Variants in MAP3K2 observed in about 807,000 individuals in gnomAD.
MAP3K2 encodes the protein MAP/ERK kinase kinase 2.
MAP3K2 carries 24 observed loss-of-function variants against 80.3 expected under a neutral mutation model. The observed-to-expected ratio is 0.30, with a 90% CI of 0.22 to 0.42. The LOEUF is 0.42. Among genes scored for constraint, MAP3K2 ranks in the 10% least tolerant of loss-of-function variants. The pLI is 1.00. For missense variants in MAP3K2, 608 were observed against 750.1 expected, an observed-to-expected ratio of 0.81 and a Z score of 2.21; for synonymous variants, 244 against 253.7, an observed-to-expected ratio of 0.96 and a Z score of 0.36.
chr2:127,328,172 G>A (rs565520472), intron 7 of MAP3K2, among the ~76,000 whole-genome samples: 1 of 152,196 alleles, frequency 6.6e-6, no homozygotes, highest in Non-Finnish European at 1.5e-5. Context: ...TTATTCAGGA[G>A]GCTGAGGCAG....
At chr2:127,324,297 G>C (rs925325950) in intron 9 of MAP3K2, 56 bp from the exon 10 acceptor site, 6 of 1,044,314 alleles carry the variant, frequency 5.7e-6, no homozygotes, top group Non-Finnish European at 8.4e-6. Flanking sequence ...ACATTAAAAA[G>C]AAAATCTTTG....
Position 127,387,543 on chromosome 2 carries a change from G to C in MAP3K2, c.-157C>G. 1 of 984,976 alleles carries C rather than the reference G, an allele frequency of 1.0e-6. No homozygotes were observed. Among genetic ancestry groups the C allele is most frequent in the Non-Finnish European group, 1.2e-6 (1 of 829,746 alleles). 61.0% of individuals were successfully genotyped at this position (984,976 alleles called of 1,614,324 possible). On this transcript the variant is annotated 5_prime_UTR_variant, in exon 1 of 17. Transcript: ENST00000682094. The stretch of plus-strand genomic sequence containing the variant: ...CTCCGCCCCAGCGCGGCCTGTCACC[G>C]CGGCCCCAGGTCGGGGGCTGCCGCA...
intron 1 of MAP3K2, among the ~76,000 whole-genome samples, chr2:127,386,556 G>A (rs1687352470): frequency 1.3e-5 from 2 of 152,142 alleles, no homozygotes; most frequent in Admixed American, 1.3e-4. Context: ...GTAAATTTGT[G>A]ACTTTTCAAG....
chr2:127,367,657 G>A (rs1224764437), intron 1 of MAP3K2, among the ~76,000 whole-genome samples: 1 of 152,118 alleles, frequency 6.6e-6, no homozygotes. Flanking sequence ...GCCAGGCGTG[G>A]TGGCACATGC....
chr2:127,317,500 T>C (rs955929935), intron 14 of MAP3K2, 129 bp downstream of exon 14: 1 of 693,628 alleles, frequency 1.4e-6, no homozygotes, highest in Non-Finnish European at 2.2e-6. Flanking sequence ...TACTCAGCTC[T>C]AATTTAAAAC....
At chr2:127,384,613 G>A (rs1283141671) in intron 1 of MAP3K2, among the ~76,000 whole-genome samples, 1 of 152,102 alleles carries the variant, frequency 6.6e-6, no homozygotes, top group Non-Finnish European at 1.5e-5. Context: ...TAGAAGCAGA[G>A]CTAAAACTTG....
At chr2:127,348,907 G>A (rs1416000486) in intron 1 of MAP3K2, among the ~76,000 whole-genome samples, 2 of 151,990 alleles carry the variant, frequency 1.3e-5, no homozygotes, top group Admixed American at 1.3e-4. Context: ...CAGATATGCT[G>A]GTTTTTCAAA....
At chr2:127,347,370 A>G (rs1478575911) in intron 1 of MAP3K2, among the ~76,000 whole-genome samples, 3 of 152,206 alleles carry the variant, frequency 2.0e-5, no homozygotes, top group Admixed American at 6.5e-5. Flanking sequence ...ATTAGAATCA[A>G]TAAACACGTT....
rs1337481614 is a variant in MAP3K2, at chr2:127,314,827, C to A, written c.1383G>T (p.Arg461Ser). ...CCTCCAGAATCTGACGGGTGTATTT[C>A]CTAGTCACATTCTCAGTAAGAGCGC... ...AYGALTENVT[R>S]KYTRQILEGV... The change falls in exon 15 of 17, where the codon AGG (arginine) becomes AGT (serine). Residue 461 changes from arginine to serine, a missense_variant. Transcript: ENST00000682094. 1 of 1,609,280 alleles carries A rather than the reference C, an allele frequency of 6.2e-7. No homozygotes were observed. Among genetic ancestry groups the A allele is most frequent in the East Asian group, 2.2e-5 (1 of 44,848 alleles).
intron 7 of MAP3K2, among the ~76,000 whole-genome samples, chr2:127,327,276 C>T (rs1385985728): frequency 6.6e-6 from 1 of 151,884 alleles, no homozygotes; most frequent in Non-Finnish European, 1.5e-5. Flanking sequence ...CAATTTAAAG[C>T]AAAAAACATT....
At chr2:127,382,993 G>A (rs1281862077) in intron 1 of MAP3K2, among the ~76,000 whole-genome samples, 2 of 152,240 alleles carry the variant, frequency 1.3e-5, no homozygotes, top group African/African-American at 2.4e-5. Context: ...GCATGGTGCT[G>A]GCACCTGCTT....
At position 127,340,421 on chromosome 2, in the gene MAP3K2, G is replaced by A. The variant is rs371415024; in HGVS notation, c.5-1371C>T. On this transcript the variant is annotated intron_variant, in intron 2 of 16. Coordinates refer to ENST00000682094, the MANE Select transcript of MAP3K2 (RefSeq NM_001371910.2). The stretch of plus-strand genomic sequence containing the variant: ...AGCCTGTAATCCCAACACTTTGGGA[G>A]GCCGAGGGGGGCAGATCATAAGGTC... Among the ~76,000 whole-genome samples the A allele has an allele frequency of 2.0e-5, 3 of 152,270 alleles. No individual in the cohort carries two copies. The South Asian group carries it at 6.2e-4, about 32-fold the overall frequency.
At position 127,307,593 on chromosome 2, in the gene MAP3K2, C is replaced by T; in HGVS notation, c.1846G>A (p.Val616Met). ...SADELLRHMF[V>M]HYH ...GTTACTGGCTGCTAGTGATAATGCA[C>T]AAACATGTGCCTTAAGAGTTCATCA... Residue 616 changes from valine to methionine, a missense_variant, in exon 17 of 17, where the codon GTG becomes ATG. Val to Met is a conservative substitution (Grantham distance 21, BLOSUM62 1). This residue lies in a region of MAP3K2 where 42 missense variants were observed against 53.7 expected (regional missense o/e 0.78). Transcript: ENST00000682094. This position sits in a 1 kb window ranked among gnomAD's most constrained non-coding sequence, Gnocchi z 5.4. 6.4e-7 allele frequency: 1 copy of T among 1,567,928 alleles called. No individual in the cohort carries two copies. Among genetic ancestry groups the T allele is most frequent in the Non-Finnish European group, 8.7e-7 (1 of 1,156,046 alleles).
rs1685607843 is a variant in MAP3K2 at position 127,302,264 on chromosome 2, C to T, written c.*5315G>A. On this transcript the variant is annotated 3_prime_UTR_variant, in exon 17 of 17. Transcript: ENST00000682094. ...TTTACAATCAATATTATTATACAAT[C>T]ATTTGTACTAGCTACTTCTGGAAAA... 1 of 152,106 alleles carries T rather than the reference C, an allele frequency of 6.6e-6. No homozygotes were observed. Among genetic ancestry groups the T allele is most frequent in the Non-Finnish European group, 1.5e-5 (1 of 68,020 alleles). 9.4% of individuals were successfully genotyped at this position (152,106 alleles called of 1,614,324 possible).
intron 14 of MAP3K2, among the ~76,000 whole-genome samples, 168 bp from the exon 15 acceptor site, chr2:127,315,051 T>C (rs1685875334): frequency 6.6e-6 from 1 of 152,248 alleles, no homozygotes; most frequent in African/African-American, 2.4e-5. Context: ...AAGTATTTTA[T>C]TGACATCTGC....
intron 15 of MAP3K2, among the ~76,000 whole-genome samples, chr2:127,311,555 C>T (rs539864886): frequency 1.3e-5 from 2 of 152,298 alleles, no homozygotes; most frequent in East Asian, 3.9e-4. Flanking sequence ...CAGACATACA[C>T]AAAGGTAGAG....
At chr2:127,337,199 G>A (rs1686390447) in intron 4 of MAP3K2, among the ~76,000 whole-genome samples, 1 of 151,814 alleles carries the variant, frequency 6.6e-6, no homozygotes, top group Non-Finnish European at 1.5e-5. Context: ...CAATTTTGTT[G>A]TCAACTACCA....
Position 127,300,433 on chromosome 2 carries a change from CATT to C in MAP3K2, c.*7143_*7145del, listed in dbSNP as rs146957869. 1,755 of 152,140 alleles carry C rather than the reference CATT, an allele frequency of 0.012. 33 individuals are homozygous for C. The highest frequency in any genetic ancestry group is 0.04 in the African/African-American group (1,670 of 41,518). 9.4% of individuals were successfully genotyped at this position (152,140 alleles called of 1,614,324 possible). On this transcript the variant is annotated 3_prime_UTR_variant, in exon 17 of 17. Coordinates refer to ENST00000682094, the MANE Select transcript of MAP3K2 (RefSeq NM_001371910.2). Reference sequence around the variant, plus strand: ...TTTAATGGCTACATTTAAAAATGTACATTATTATGTCAAAGGGTAAATTTACAA... The same window carrying C: ...TTTAATGGCTACATTTAAAAATGTACATTATGTCAAAGGGTAAATTTACAA...
At chr2:127,381,450 T>TA (rs142489603) in intron 1 of MAP3K2, among the ~76,000 whole-genome samples, 3,952 of 152,222 alleles carry the variant, frequency 0.026, 68 homozygotes, top group African/African-American at 0.031. Context: ...AATACTTTGT[T>TA]AAAATCTTTA....
Sources: allele counts gnomAD v4.1 joint callset (sites outside exome capture counted in the v4.1 genomes callset), GRCh38; gene constraint gnomAD v4.1.1; regional missense constraint gnomAD v4.1.1; non-coding constraint Gnocchi (gnomAD v3.1); transcripts MANE v1.5; gene names NCBI Gene and HGNC (gene_info 2026-07-23, HGNC 2026-07-21).